NDST3: variants seen among roughly 807,000 people sequenced by gnomAD.
NDST3 encodes N-deacetylase and N-sulfotransferase 3.
Under a neutral mutation model 96.1 loss-of-function variants are expected in NDST3, and 58 were observed. The ratio of observed to expected loss-of-function variants is 0.60; its 90% CI spans 0.49 to 0.75. The LOEUF (loss-of-function observed/expected upper bound fraction) is 0.75. Among genes scored for constraint, NDST3 ranks in the 30% least tolerant of loss-of-function variants. The probability of loss-of-function intolerance (pLI) is 0.00; values close to 1 mark genes in which losing one functional copy is unlikely to be tolerated. For synonymous variants in NDST3, 333 were observed against 359.7 expected, an observed-to-expected ratio of 0.93 and a Z score of 0.84; for missense variants, 788 against 1,034.2, an observed-to-expected ratio of 0.76 and a Z score of 3.27.
chr4:118,096,443 C>G (rs577019398), intron 2 of NDST3, among the ~76,000 whole-genome samples: 13 of 151,582 alleles, frequency 8.6e-5, no homozygotes, highest in African/African-American at 2.7e-4. Flanking sequence ...GTTGGTTCTC[C>G]CAAACCAGCT....
At chr4:118,062,539 A>G (rs1725981489) in intron 2 of NDST3, among the ~76,000 whole-genome samples, 1 of 152,308 alleles carries the variant, frequency 6.6e-6, no homozygotes, top group Non-Finnish European at 1.5e-5. Context: ...AAAAATACAC[A>G]GGAAAATAAA....
intron 12 of NDST3, among the ~76,000 whole-genome samples, chr4:118,249,876 A>T (rs1741565764): frequency 1.3e-5 from 2 of 152,184 alleles, no homozygotes; most frequent in African/African-American, 4.8e-5. Flanking sequence ...GTACCACCAG[A>T]ATCAAGATAT....
chr4:118,202,850 T>C (rs941689355), intron 6 of NDST3, among the ~76,000 whole-genome samples: 4 of 152,202 alleles, frequency 2.6e-5, no homozygotes, highest in African/African-American at 7.2e-5. Flanking sequence ...CAGTACTGTG[T>C]TGAACATGAG....
At chr4:118,076,787 C>A (rs554298912) in intron 2 of NDST3, among the ~76,000 whole-genome samples, 1 of 152,126 alleles carries the variant, frequency 6.6e-6, no homozygotes, top group Non-Finnish European at 1.5e-5. Flanking sequence ...CTGAATTCTA[C>A]GCCTGTTATT....
intron 2 of NDST3, among the ~76,000 whole-genome samples, chr4:118,082,359 G>C (rs1324624140): frequency 6.6e-6 from 1 of 152,174 alleles, no homozygotes; most frequent in Non-Finnish European, 1.5e-5. Flanking sequence ...TTAGATCAAA[G>C]AGAAAAGGAC....
At chr4:118,168,469 T>C (rs1488113089) in intron 6 of NDST3, among the ~76,000 whole-genome samples, 2 of 151,984 alleles carry the variant, frequency 1.3e-5, no homozygotes, top group African/African-American at 2.4e-5. Flanking sequence ...CTCATATATA[T>C]ACACACAAGT....
At chr4:118,212,357 G>A (rs1738854958) in intron 6 of NDST3, among the ~76,000 whole-genome samples, 1 of 152,050 alleles carries the variant, frequency 6.6e-6, no homozygotes, top group Non-Finnish European at 1.5e-5. Flanking sequence ...TGAGCAACAT[G>A]GCGAAACCCC....
chr4:118,071,124 T>C (rs542652386), intron 2 of NDST3, among the ~76,000 whole-genome samples: 4 of 152,220 alleles, frequency 2.6e-5, no homozygotes, highest in African/African-American at 7.2e-5. Context: ...CAGTCTATCA[T>C]TGATGGACAT....
intron 6 of NDST3, among the ~76,000 whole-genome samples, chr4:118,209,349 G>C (rs1738640807): frequency 1.3e-5 from 2 of 152,068 alleles, no homozygotes; most frequent in Non-Finnish European, 2.9e-5. Context: ...CTGTTGTCTG[G>C]CCTCTAACTA....
At chr4:118,215,608 C>T (rs116408234) in intron 6 of NDST3, among the ~76,000 whole-genome samples, 3,045 of 140,570 alleles carry the variant, frequency 0.022, 42 homozygotes, top group South Asian at 0.038. Context: ...AATATGTTTT[C>T]GGGTATGAGG....
intron 2 of NDST3, among the ~76,000 whole-genome samples, chr4:118,084,732 A>C (rs1218224302): frequency 6.6e-6 from 1 of 152,218 alleles, no homozygotes; most frequent in African/African-American, 2.4e-5. Flanking sequence ...TAACACAAAC[A>C]AATAAAGGTT....
intron 6 of NDST3, among the ~76,000 whole-genome samples, chr4:118,199,163 A>G (rs895662156): frequency 6.6e-6 from 1 of 152,074 alleles, no homozygotes; most frequent in Non-Finnish European, 1.5e-5. Flanking sequence ...CTTTCTCTAC[A>G]TACTCTTTAA....
intron 2 of NDST3, 178 bp downstream of exon 2, chr4:118,055,069 A>T (rs1450954408): frequency 4.0e-6 from 3 of 754,646 alleles, no homozygotes; most frequent in Non-Finnish European, 6.5e-6. Context: ...TTCTATCTGA[A>T]TCAAGAAAAA....
At chr4:118,159,005 A>G (rs1734904828) in intron 6 of NDST3, among the ~76,000 whole-genome samples, 1 of 152,198 alleles carries the variant, frequency 6.6e-6, no homozygotes, top group Non-Finnish European at 1.5e-5. Flanking sequence ...CTCACTTGCC[A>G]TAGTCCCTTT....
chr4:118,204,537 T>C (rs865941361), intron 6 of NDST3, among the ~76,000 whole-genome samples: 2 of 144,524 alleles, frequency 1.4e-5, no homozygotes, highest in Admixed American at 6.8e-5. Context: ...TTTTGAACAG[T>C]TGGCTGCCTC....
At chr4:118,074,436 G>C (rs1560624473) in intron 2 of NDST3, among the ~76,000 whole-genome samples, 1 of 152,150 alleles carries the variant, frequency 6.6e-6, no homozygotes, top group Non-Finnish European at 1.5e-5. Flanking sequence ...TCTACTGTTA[G>C]ATGCAAATAT....
At chr4:118,091,813 A>G (rs1728889933) in intron 2 of NDST3, among the ~76,000 whole-genome samples, 1 of 151,708 alleles carries the variant, frequency 6.6e-6, no homozygotes. Flanking sequence ...TGTATTTTTT[A>G]TATTTGTATT....
At chr4:118,062,488 ATACT>A (rs1277105480) in intron 2 of NDST3, among the ~76,000 whole-genome samples, 12 of 152,050 alleles carry the variant, frequency 7.9e-5, no homozygotes, top group Admixed American at 3.9e-4. Context: ...GTTTGGTGGA[ATACT>A]TACTTATTTC....
At chr4:118,169,089 G>A (rs1393248587) in intron 6 of NDST3, among the ~76,000 whole-genome samples, 1 of 151,826 alleles carries the variant, frequency 6.6e-6, no homozygotes, top group African/African-American at 2.4e-5. Context: ...ATTTTTAAGA[G>A]GGTAAATTTC....
Sources: gnomAD v4.1 joint callset for allele counts (sites outside exome capture counted in the v4.1 genomes callset) on GRCh38, gnomAD v4.1.1 for gene constraint, MANE v1.5 for transcripts, NCBI Gene and HGNC (gene_info 2026-07-23, HGNC 2026-07-21) for gene names.